The following ASTN2 variants were observed in gnomAD, a reference collection of about 807,000 sequenced individuals.
ASTN2 encodes the protein astrotactin 2.
In ASTN2, 54 loss-of-function variants were observed where a neutral mutation model predicts 139.8. The observed-to-expected ratio is 0.39, with a 90% CI of 0.31 to 0.48. The LOEUF is 0.48. Ranked by LOEUF, ASTN2 falls within the 20% of genes least tolerant of loss-of-function variation. ASTN2 has a pLI of 0.95. For synonymous variants in ASTN2, 756 were observed against 719.5 expected (o/e 1.05, Z -0.81); for missense variants, 1,565 against 1,725.1 (o/e 0.91, Z 1.64).
intron 10 of ASTN2, among the ~76,000 whole-genome samples, chr9:116,910,363 C>G (rs146328011): frequency 5.3e-5 from 8 of 152,270 alleles, no homozygotes. Flanking sequence ...GACTGTCCCA[C>G]GCGTGATAGG....
intron 1 of ASTN2, among the ~76,000 whole-genome samples, chr9:117,334,617 C>T (rs1299674714): frequency 1.3e-5 from 2 of 151,970 alleles, no homozygotes; most frequent in Non-Finnish European, 2.9e-5. Context: ...ATGCCTTTTA[C>T]ACACCAGCCA....
chr9:116,487,188 T>C (rs1588106107), intron 20 of ASTN2, among the ~76,000 whole-genome samples, 171 bp downstream of exon 20: 3 of 152,312 alleles, frequency 2.0e-5, no homozygotes, highest in Middle Eastern at 3.4e-3. Context: ...CTGTGATCCA[T>C]TGTGGCATAC....
At chr9:117,015,053 A>G (rs1170309193) in intron 6 of ASTN2, among the ~76,000 whole-genome samples, 2 of 152,026 alleles carry the variant, frequency 1.3e-5, no homozygotes, top group East Asian at 3.9e-4. Flanking sequence ...GCTCTAACTC[A>G]CCCAGGCTAG....
chr9:116,597,632 T>C (rs1854658909), intron 19 of ASTN2, among the ~76,000 whole-genome samples: 1 of 152,088 alleles, frequency 6.6e-6, no homozygotes, highest in African/African-American at 2.4e-5. Flanking sequence ...ATTATATTCA[T>C]GAACTTTGAA....
At chr9:117,222,486 G>C (rs1422083304) in intron 2 of ASTN2, among the ~76,000 whole-genome samples, 4 of 152,186 alleles carry the variant, frequency 2.6e-5, no homozygotes, top group African/African-American at 4.8e-5. Flanking sequence ...CTGTCATTAA[G>C]TGAGTGGCGA....
At chr9:116,980,933 T>C (rs1330246252) in intron 7 of ASTN2, among the ~76,000 whole-genome samples, 4 of 152,108 alleles carry the variant, frequency 2.6e-5, no homozygotes, top group African/African-American at 9.7e-5. Flanking sequence ...GACAGCTCTC[T>C]AGGGATGCAT....
At chr9:117,125,779 C>T (rs146903403) in intron 4 of ASTN2, among the ~76,000 whole-genome samples, 43 of 150,196 alleles carry the variant, frequency 2.9e-4, no homozygotes, top group Non-Finnish European at 4.4e-4. Flanking sequence ...AACTGTCAGG[C>T]GGCTGTTAAA....
At chr9:117,312,730 C>T (rs1828016183) in intron 1 of ASTN2, among the ~76,000 whole-genome samples, 1 of 152,172 alleles carries the variant, frequency 6.6e-6, no homozygotes, top group African/African-American at 2.4e-5. Context: ...CTCTGCCATT[C>T]ACTTCTGCTC....
At chr9:116,522,804 T>C (rs183380880) in intron 19 of ASTN2, among the ~76,000 whole-genome samples, 174 of 152,312 alleles carry the variant, frequency 1.1e-3, no homozygotes, top group Admixed American at 2.1e-3. Context: ...CTTGTCCCTG[T>C]CATATAGCAA....
At chr9:117,336,049 C>G (rs1342011252) in intron 1 of ASTN2, among the ~76,000 whole-genome samples, 1 of 127,004 alleles carries the variant, frequency 7.9e-6, no homozygotes, top group Non-Finnish European at 1.6e-5. Flanking sequence ...GACAGGAGGT[C>G]TGGAAAGGAA....
At chr9:117,295,053 G>A (rs1350429412) in intron 1 of ASTN2, among the ~76,000 whole-genome samples, 1 of 152,160 alleles carries the variant, frequency 6.6e-6, no homozygotes, top group Admixed American at 6.5e-5. Context: ...TGGGTGCAGT[G>A]GCTCACACCT....
intron 16 of ASTN2, 47 bp from the exon 17 acceptor site, chr9:116,651,840 T>C (rs1327920043): frequency 1.3e-6 from 2 of 1,591,706 alleles, no homozygotes; most frequent in Non-Finnish European, 1.7e-6. Context: ...CTCAGGATTA[T>C]TCAAAAGGCC....
chr9:116,879,576 T>C (rs1833398690), intron 10 of ASTN2, among the ~76,000 whole-genome samples: 1 of 152,180 alleles, frequency 6.6e-6, no homozygotes, highest in Non-Finnish European at 1.5e-5. Flanking sequence ...GAGAATTACA[T>C]TAGATAATAA....
At chr9:116,503,936 C>T (rs1038694700) in intron 19 of ASTN2, among the ~76,000 whole-genome samples, 6 of 152,120 alleles carry the variant, frequency 3.9e-5, no homozygotes, top group Non-Finnish European at 7.3e-5. Flanking sequence ...CAGTCCATAT[C>T]ACAGTTCTGC....
intron 19 of ASTN2, among the ~76,000 whole-genome samples, chr9:116,519,384 T>C (rs1850777319): frequency 6.6e-6 from 1 of 151,812 alleles, no homozygotes; most frequent in Non-Finnish European, 1.5e-5. Flanking sequence ...ACATGGAAAT[T>C]AAATAGCCTG....
intron 19 of ASTN2, among the ~76,000 whole-genome samples, chr9:116,488,746 T>C (rs1849416947): frequency 6.6e-6 from 1 of 152,200 alleles, no homozygotes; most frequent in Non-Finnish European, 1.5e-5. Context: ...TAAAAACAAA[T>C]GTTTAAGGTG....
intron 21 of ASTN2, among the ~76,000 whole-genome samples, chr9:116,442,239 C>T (rs755295809): frequency 6.6e-6 from 1 of 152,164 alleles, no homozygotes; most frequent in Non-Finnish European, 1.5e-5. Context: ...CTTTCCACTG[C>T]CAAAGACATT....
intron 3 of ASTN2, among the ~76,000 whole-genome samples, chr9:117,165,391 C>T (rs1441398395): frequency 6.6e-6 from 1 of 152,060 alleles, no homozygotes; most frequent in South Asian, 2.1e-4. Context: ...CAGCAAGGGG[C>T]AAGGCTTAGA....
chr9:117,345,250 T>C (rs1829180171), intron 1 of ASTN2, among the ~76,000 whole-genome samples: 1 of 152,138 alleles, frequency 6.6e-6, no homozygotes, highest in South Asian at 2.1e-4. Flanking sequence ...CAGTATATAT[T>C]GAGTACCTAG....
Sources: allele counts gnomAD v4.1 joint callset (sites outside exome capture counted in the v4.1 genomes callset), GRCh38; gene constraint gnomAD v4.1.1; transcripts MANE v1.5; gene names NCBI Gene and HGNC (gene_info 2026-07-23, HGNC 2026-07-21).